CCDC102B: variants seen among roughly 807,000 people sequenced by gnomAD.
CCDC102B encodes the protein coiled-coil domain containing 102B, also known as coiled-coil domain-containing protein 102B.
In CCDC102B, 75 loss-of-function variants were observed where a neutral mutation model predicts 57.4. The observed-to-expected ratio is 1.31, with a 90% CI of 1.08 to 1.58. The LOEUF is 1.58. Among genes scored for constraint, CCDC102B ranks in the 40% most tolerant of loss-of-function variants. The pLI is 0.00. For synonymous variants in CCDC102B, 206 were observed against 201.9 expected, an observed-to-expected ratio of 1.02 and a Z score of -0.17; for missense variants, 636 against 582.6, an observed-to-expected ratio of 1.09 and a Z score of -0.94.
intron 1 of CCDC102B, among the ~76,000 whole-genome samples, chr18:68,824,578 G>A (rs1568270794): frequency 6.6e-6 from 1 of 152,162 alleles, no homozygotes; most frequent in Non-Finnish European, 1.5e-5. Context: ...TCCTCGTCTT[G>A]TTCCAGTTCT....
At chr18:68,805,047 G>A (rs550467275) in intron 1 of CCDC102B, among the ~76,000 whole-genome samples, 4 of 152,156 alleles carry the variant, frequency 2.6e-5, no homozygotes, top group South Asian at 2.1e-4. Context: ...TGTTAAGAAC[G>A]TGGAGTAATT....
intron 1 of CCDC102B, among the ~76,000 whole-genome samples, chr18:68,811,148 G>T (rs929942050): frequency 6.6e-6 from 1 of 152,136 alleles, no homozygotes; most frequent in Non-Finnish European, 1.5e-5. Context: ...GAATAGTGCT[G>T]CAGTAAACAT....
At chr18:68,726,009 C>T (rs1408260689) in intron 2 of CCDC102B, among the ~76,000 whole-genome samples, 1 of 152,102 alleles carries the variant, frequency 6.6e-6, no homozygotes, top group Non-Finnish European at 1.5e-5. Context: ...GGAACGTTGC[C>T]TCGGTCTGCT....
At chr18:68,953,389 T>C (rs1033572682) in intron 6 of CCDC102B, among the ~76,000 whole-genome samples, 1 of 145,846 alleles carries the variant, frequency 6.9e-6, no homozygotes, top group Non-Finnish European at 1.5e-5. Context: ...ACAGCGGTCC[T>C]TACAAGTATG....
At chr18:69,030,740 C>T (rs1465003263) in intron 7 of CCDC102B, among the ~76,000 whole-genome samples, 1 of 152,102 alleles carries the variant, frequency 6.6e-6, no homozygotes, top group East Asian at 1.9e-4. Flanking sequence ...CTGCAACCTC[C>T]ACCTCCTGGG....
intron 6 of CCDC102B, among the ~76,000 whole-genome samples, chr18:69,002,804 A>T (rs984802003): frequency 1.3e-5 from 2 of 152,134 alleles, no homozygotes; most frequent in African/African-American, 4.8e-5. Context: ...TGCCCTCTCC[A>T]AACCATTGAA....
chr18:68,811,532 T>C (rs546388137), intron 1 of CCDC102B, among the ~76,000 whole-genome samples: 2 of 152,248 alleles, frequency 1.3e-5, no homozygotes, highest in African/African-American at 4.8e-5. Flanking sequence ...GGAGAATCAC[T>C]TGAACCTGGG....
chr18:69,025,174 C>T (rs2051950205), intron 7 of CCDC102B, among the ~76,000 whole-genome samples: 2 of 152,106 alleles, frequency 1.3e-5, no homozygotes, highest in South Asian at 2.1e-4. Flanking sequence ...GAAAAAGACC[C>T]AGTAACTTAG....
chr18:68,976,484 C>G (rs540566488), intron 6 of CCDC102B, among the ~76,000 whole-genome samples: 2 of 151,920 alleles, frequency 1.3e-5, no homozygotes, highest in African/African-American at 4.8e-5. Context: ...AAATAAAGTC[C>G]AGTAAGTGGT....
chr18:68,864,348 A>G (rs961179933), intron 4 of CCDC102B, among the ~76,000 whole-genome samples: 9 of 152,070 alleles, frequency 5.9e-5, no homozygotes, highest in African/African-American at 2.2e-4. Context: ...AAGGTCACCC[A>G]GAGAGAAGCA....
chr18:68,857,277 A>AT (rs1491440549), intron 4 of CCDC102B, among the ~76,000 whole-genome samples: 2 of 16,662 alleles, frequency 1.2e-4, no homozygotes, highest in African/African-American at 2.4e-4. Flanking sequence ...ATATATATAT[A>AT]ATATATATTT....
At chr18:68,942,387 C>T (rs552647103) in intron 6 of CCDC102B, among the ~76,000 whole-genome samples, 18 of 152,060 alleles carry the variant, frequency 1.2e-4, no homozygotes, top group African/African-American at 3.9e-4. Context: ...CCCAGGGGAC[C>T]GGTGCTCAGC....
At chr18:68,921,676 C>A (rs1339232767) in intron 6 of CCDC102B, among the ~76,000 whole-genome samples, 1 of 152,140 alleles carries the variant, frequency 6.6e-6, no homozygotes, top group Non-Finnish European at 1.5e-5. Context: ...CAGGCAGGCT[C>A]TAAGAGCAGA....
intron 6 of CCDC102B, among the ~76,000 whole-genome samples, chr18:68,905,934 C>A (rs2145052046): frequency 6.6e-6 from 1 of 151,824 alleles, no homozygotes; most frequent in Non-Finnish European, 1.5e-5. Flanking sequence ...GCTGGGACTA[C>A]AGGCGCCCGC....
intron 6 of CCDC102B, among the ~76,000 whole-genome samples, chr18:68,979,248 G>A (rs934391466): frequency 2.0e-5 from 3 of 151,932 alleles, no homozygotes; most frequent in African/African-American, 7.2e-5. Context: ...CTATTCAGTG[G>A]TACTGAAAGC....
At chr18:68,902,986 A>C (rs1281616980) in intron 6 of CCDC102B, among the ~76,000 whole-genome samples, 1 of 152,174 alleles carries the variant, frequency 6.6e-6, no homozygotes, top group Non-Finnish European at 1.5e-5. Flanking sequence ...GAAAGGGATA[A>C]ATTTTTTAAA....
chr18:68,979,778 T>G (rs2050531081), intron 6 of CCDC102B, among the ~76,000 whole-genome samples: 1 of 152,008 alleles, frequency 6.6e-6, no homozygotes, highest in Non-Finnish European at 1.5e-5. Flanking sequence ...CACTGCAGGT[T>G]GGCAGGTTCA....
chr18:68,879,433 C>T (rs1478269327), intron 5 of CCDC102B, among the ~76,000 whole-genome samples: 2 of 152,172 alleles, frequency 1.3e-5, no homozygotes, highest in Non-Finnish European at 2.9e-5. Flanking sequence ...CTGGCCCCAC[C>T]CACATTCTGC....
At chr18:69,021,574 C>T (rs2145420611) in intron 7 of CCDC102B, among the ~76,000 whole-genome samples, 1 of 152,314 alleles carries the variant, frequency 6.6e-6, no homozygotes, top group Middle Eastern at 3.4e-3. Context: ...GAGAGATATT[C>T]AATCCTAAGT....
Sources: gnomAD v4.1 joint callset for allele counts (sites outside exome capture counted in the v4.1 genomes callset) on GRCh38, gnomAD v4.1.1 for gene constraint, MANE v1.5 for transcripts, NCBI Gene and HGNC (gene_info 2026-07-23, HGNC 2026-07-21) for gene names.